Variants in PKNOX2 observed in about 807,000 individuals in gnomAD.
PKNOX2 encodes homeobox protein PKNOX2.
PKNOX2 carries 14 observed loss-of-function variants against 53.1 expected under a neutral mutation model. That is an observed-to-expected ratio of 0.26 (90% CI 0.17 to 0.41). PKNOX2 has a LOEUF of 0.41. Among genes scored for constraint, PKNOX2 ranks in the 10% least tolerant of loss-of-function variants. PKNOX2 has a pLI of 1.00. For synonymous variants in PKNOX2, 257 were observed against 242.8 expected (o/e 1.06, Z -0.54); for missense variants, 496 against 602.8 (o/e 0.82, Z 1.85).
intron 2 of PKNOX2, among the ~76,000 whole-genome samples, chr11:125,299,265 C>T (rs1947870569): frequency 6.6e-6 from 1 of 152,192 alleles, no homozygotes; most frequent in Non-Finnish European, 1.5e-5. Flanking sequence ...CTGAACACCT[C>T]CCGCCCAGCC....
chr11:125,228,029 C>A (rs548182316), intron 1 of PKNOX2, among the ~76,000 whole-genome samples: 1 of 149,230 alleles, frequency 6.7e-6, no homozygotes, highest in African/African-American at 2.4e-5. Context: ...CCCAGCTCAG[C>A]CGTGTATCAG....
chr11:125,222,641 G>GTGCGTA (rs1941285195), intron 1 of PKNOX2, among the ~76,000 whole-genome samples: 1 of 143,930 alleles, frequency 6.9e-6, no homozygotes, highest in Non-Finnish European at 1.5e-5. Context: ...GTGTATGTGT[G>GTGCGTA]TGCGTATGTG....
intron 1 of PKNOX2, among the ~76,000 whole-genome samples, chr11:125,215,043 A>G (rs988275643): frequency 6.6e-6 from 1 of 151,984 alleles, no homozygotes; most frequent in Non-Finnish European, 1.5e-5. Flanking sequence ...GAAGGAAATA[A>G]AATCTCCATG....
At chr11:125,248,680 G>A (rs1458895986) in intron 2 of PKNOX2, among the ~76,000 whole-genome samples, 1 of 147,648 alleles carries the variant, frequency 6.8e-6, no homozygotes, top group Admixed American at 6.8e-5. Flanking sequence ...TACATGTTAT[G>A]TATGTTATAT....
intron 2 of PKNOX2, among the ~76,000 whole-genome samples, chr11:125,299,412 G>C: frequency 6.6e-6 from 1 of 151,692 alleles, no homozygotes; most frequent in Admixed American, 6.6e-5. Context: ...GGCACAAGAC[G>C]AGGAGCCAGC....
At chr11:125,357,330 G>A (rs1007288825) in intron 4 of PKNOX2, among the ~76,000 whole-genome samples, 6 of 152,252 alleles carry the variant, frequency 3.9e-5, no homozygotes, top group South Asian at 4.2e-4. Context: ...AGGTCCAACC[G>A]TGGGGCCTTT....
intron 8 of PKNOX2, 76 bp downstream of exon 8, chr11:125,410,401 G>C (rs1955434867): frequency 4.4e-6 from 7 of 1,587,118 alleles, no homozygotes; most frequent in Middle Eastern, 1.7e-4. Flanking sequence ...GCGGTTCCAG[G>C]GGTGGGGGTT....
At chr11:125,188,070 G>A (rs1481301719) in intron 1 of PKNOX2, 2 of 152,192 alleles carry the variant, frequency 1.3e-5, no homozygotes, top group East Asian at 1.9e-4. Context: ...TTCTAAAACA[G>A]CCCTTGGAGA....
At chr11:125,315,987 T>C (rs1949159586) in intron 2 of PKNOX2, among the ~76,000 whole-genome samples, 1 of 152,120 alleles carries the variant, frequency 6.6e-6, no homozygotes, top group Non-Finnish European at 1.5e-5. Flanking sequence ...GTCTCTGTCC[T>C]CAAGGAGGCT....
At chr11:125,402,652 T>G (rs115772400) in intron 7 of PKNOX2, among the ~76,000 whole-genome samples, 1,741 of 152,188 alleles carry the variant, frequency 0.011, 49 homozygotes, top group African/African-American at 0.039. Context: ...AGATAAATCA[T>G]GTCAGCCGTG....
chr11:125,168,731 C>T (rs975424981), intron 1 of PKNOX2, among the ~76,000 whole-genome samples: 2 of 152,212 alleles, frequency 1.3e-5, no homozygotes, highest in Non-Finnish European at 2.9e-5. Flanking sequence ...ATTGACCTGA[C>T]TTCTTTACCT....
intron 8 of PKNOX2, 81 bp downstream of exon 8, chr11:125,410,406 G>C: frequency 6.3e-7 from 1 of 1,576,732 alleles, no homozygotes; most frequent in Non-Finnish European, 8.6e-7. Flanking sequence ...TCCAGGGGTG[G>C]GGGTTGTCCT....
At chr11:125,266,218 G>A (rs1048361434) in intron 2 of PKNOX2, among the ~76,000 whole-genome samples, 1 of 152,154 alleles carries the variant, frequency 6.6e-6, no homozygotes, top group Non-Finnish European at 1.5e-5. Context: ...CCCCGTCAGT[G>A]GTAAGATTTC....
intron 1 of PKNOX2, among the ~76,000 whole-genome samples, chr11:125,173,838 T>A (rs1177552162): frequency 6.6e-6 from 1 of 152,170 alleles, no homozygotes; most frequent in Non-Finnish European, 1.5e-5. Flanking sequence ...TCCAGACAGA[T>A]GTCAAGCCGA....
chr11:125,398,153 CA>C, intron 7 of PKNOX2, 91 bp downstream of exon 7: 1 of 1,381,688 alleles, frequency 7.2e-7, no homozygotes, highest in Non-Finnish European at 9.8e-7. Context: ...TGGTGACCTT[CA>C]CTGGGTTAGA....
intron 4 of PKNOX2, among the ~76,000 whole-genome samples, chr11:125,351,995 A>T (rs1951350670): frequency 6.6e-6 from 1 of 151,716 alleles, no homozygotes; most frequent in African/African-American, 2.4e-5. Flanking sequence ...CCGCCCCCCA[A>T]GATCTTCTGC....
rs549904836 is a variant in PKNOX2 at position 125,300,797 on chromosome 11, G to A, written c.-129-31022G>A. On this transcript the variant is annotated intron_variant, in intron 2 of 12. Transcript: ENST00000298282. ...GGCCCTGCATTTTTTCCTCTATAGG[G>A]AAACCTGAAAGCTAAGCTTCCAGAC... Among the ~76,000 whole-genome samples the A allele has an allele frequency of 1.1e-3, 169 of 152,266 alleles. 1 individual carries two copies. The highest frequency in any genetic ancestry group is 6.8e-3 in the Middle Eastern group (2 of 294).
At chr11:125,416,500 G>C (rs1175490478) in intron 10 of PKNOX2, among the ~76,000 whole-genome samples, 1 of 151,782 alleles carries the variant, frequency 6.6e-6, no homozygotes, top group Non-Finnish European at 1.5e-5. Context: ...TATCAACAGC[G>C]ACTCTTTTTG....
At chr11:125,199,991 T>C (rs978499070) in intron 1 of PKNOX2, among the ~76,000 whole-genome samples, 2 of 152,252 alleles carry the variant, frequency 1.3e-5, no homozygotes, top group African/African-American at 4.8e-5. Flanking sequence ...CCATCACCCA[T>C]GGCTCAGAAG....
Sources: gnomAD v4.1 joint callset for allele counts (sites outside exome capture counted in the v4.1 genomes callset) on GRCh38, gnomAD v4.1.1 for gene constraint, MANE v1.5 for transcripts, NCBI Gene and HGNC (gene_info 2026-07-23, HGNC 2026-07-21) for gene names.